The following SLC4A10 variants were observed in gnomAD, a reference collection of about 807,000 sequenced individuals.
The protein encoded by SLC4A10 is solute carrier family 4 member 10.
A neutral mutation model predicts 137.7 loss-of-function variants in SLC4A10; 42 were observed. That is an observed-to-expected ratio of 0.30 (90% CI 0.24 to 0.39). The LOEUF is 0.39. SLC4A10 is among the 10% of genes least tolerant of loss of function. The pLI is 1.00. For missense variants in SLC4A10, 925 were observed against 1,355.0 expected, an observed-to-expected ratio of 0.68 and a Z score of 4.98; for synonymous variants, 474 against 464.1, an observed-to-expected ratio of 1.02 and a Z score of -0.27.
At chr2:161,975,115 T>C (rs1158939063) in intron 24 of SLC4A10, among the ~76,000 whole-genome samples, 1 of 152,244 alleles carries the variant, frequency 6.6e-6, no homozygotes, top group African/African-American at 2.4e-5. Flanking sequence ...CTTTAGGGTC[T>C]GACTCTAAGA....
At chr2:161,884,794 A>G (rs751430567) in intron 10 of SLC4A10, among the ~76,000 whole-genome samples, 15 of 152,226 alleles carry the variant, frequency 9.9e-5, no homozygotes, top group African/African-American at 3.4e-4. Context: ...GAATGTTTAA[A>G]TATTTTTTAA....
chr2:161,815,864 T>C (rs575229528), intron 3 of SLC4A10, among the ~76,000 whole-genome samples: 1 of 152,266 alleles, frequency 6.6e-6, no homozygotes, highest in South Asian at 2.1e-4. Flanking sequence ...TTTTTGCCAC[T>C]ATTTTTGGAT....
rs2060526301 is a variant in SLC4A10 at position 161,863,094 on chromosome 2, T to C, written c.766+32T>C. The C allele has an allele frequency of 3.8e-6, 6 of 1,589,090 alleles. No homozygotes were observed. In the East Asian group the frequency reaches 1.3e-4, roughly 36 times the overall value. Reference sequence around the variant, plus strand: ...GTTTATTTATTGTGCTCTTTATGTCTACTATAGGTCTCTGACATATCAAAG... The same window carrying C: ...GTTTATTTATTGTGCTCTTTATGTCCACTATAGGTCTCTGACATATCAAAG... On this transcript the variant is annotated intron_variant, in intron 6 of 26. Coordinates refer to ENST00000446997, the MANE Select transcript of SLC4A10 (RefSeq NM_001178015.2).
intron 1 of SLC4A10, among the ~76,000 whole-genome samples, chr2:161,634,641 C>T (rs535435463): frequency 5.3e-5 from 8 of 152,046 alleles, no homozygotes; most frequent in South Asian, 4.1e-4. Flanking sequence ...TACAAGTATA[C>T]GTTGTATAAT....
chr2:161,648,287 A>G (rs2105552107), intron 1 of SLC4A10, among the ~76,000 whole-genome samples: 1 of 152,230 alleles, frequency 6.6e-6, no homozygotes, highest in East Asian at 1.9e-4. Context: ...TTCAAAATAG[A>G]TAATCTTATG....
At chr2:161,830,941 G>A (rs1278732232) in intron 3 of SLC4A10, among the ~76,000 whole-genome samples, 1 of 152,138 alleles carries the variant, frequency 6.6e-6, no homozygotes, top group Non-Finnish European at 1.5e-5. Context: ...CTTAGATGTG[G>A]ATATGTATGT....
chr2:161,645,354 C>G (rs1015287439), intron 1 of SLC4A10, among the ~76,000 whole-genome samples: 1 of 151,444 alleles, frequency 6.6e-6, no homozygotes, highest in Non-Finnish European at 1.5e-5. Flanking sequence ...ATAATATTTT[C>G]TCATAACTAA....
chr2:161,760,623 GC>G lies in SLC4A10; in HGVS notation c.49-10347del, dbSNP rs1453676285. On this transcript the variant is annotated intron_variant, in intron 1 of 26. Transcript: ENST00000446997. ...AAACTATCACTTTTCCCCCTTGTCA[GC>G]CCAGCAAAGATTCATTTATCTTTTA... is the stretch of plus-strand genomic sequence containing the variant. Among the ~76,000 whole-genome samples the G allele has an allele frequency of 4.6e-5, 7 of 152,046 alleles. No individual in the cohort carries two copies. In the East Asian group the frequency reaches 1.4e-3, roughly 29 times the overall value.
At chr2:161,825,216 C>T (rs970565434) in intron 3 of SLC4A10, among the ~76,000 whole-genome samples, 2 of 152,130 alleles carry the variant, frequency 1.3e-5, no homozygotes, top group Non-Finnish European at 2.9e-5. Flanking sequence ...TGTGGGAGAT[C>T]AGCACCTTTA....
intron 1 of SLC4A10, among the ~76,000 whole-genome samples, chr2:161,657,272 T>C (rs1470072153): frequency 6.6e-6 from 1 of 152,064 alleles, no homozygotes; most frequent in Non-Finnish European, 1.5e-5. Flanking sequence ...CTATTTTGCA[T>C]GGCTTTTGTG....
intron 1 of SLC4A10, among the ~76,000 whole-genome samples, chr2:161,671,196 C>T (rs2039672984): frequency 6.6e-6 from 1 of 152,100 alleles, no homozygotes; most frequent in Non-Finnish European, 1.5e-5. Context: ...TGTAAAAGGA[C>T]TTGAGAGGTT....
chr2:161,804,014 G>T (rs929029765), intron 2 of SLC4A10, among the ~76,000 whole-genome samples: 2 of 152,054 alleles, frequency 1.3e-5, no homozygotes, highest in Admixed American at 1.3e-4. Context: ...TGTGGAATTT[G>T]GCATTAACAT....
At chr2:161,753,405 C>A (rs1279671902) in intron 1 of SLC4A10, among the ~76,000 whole-genome samples, 2 of 152,150 alleles carry the variant, frequency 1.3e-5, no homozygotes, top group Non-Finnish European at 2.9e-5. Context: ...TAGCCTGACT[C>A]AATTTTTCTG....
Position 161,857,616 on chromosome 2 carries a change from C to G in SLC4A10, c.577+2486C>G, listed in dbSNP as rs531831161. Among the ~76,000 whole-genome samples, 21 of 152,140 alleles carry G rather than the reference C, an allele frequency of 1.4e-4. No individual in the cohort carries two copies. The South Asian group carries it at 4.1e-3, about 30-fold the overall frequency. On this transcript the variant is annotated intron_variant, in intron 5 of 26. Transcript: ENST00000446997. Reference sequence around the variant, plus strand: ...ATAAACTCATTAAAATATTTTCTCTCTATAGTTTGTAATTATTTTCTTATT... The same window carrying G: ...ATAAACTCATTAAAATATTTTCTCTGTATAGTTTGTAATTATTTTCTTATT...
chr2:161,894,084 G>T (rs952947376), intron 10 of SLC4A10, among the ~76,000 whole-genome samples: 3 of 151,954 alleles, frequency 2.0e-5, no homozygotes, highest in African/African-American at 7.3e-5. Context: ...AGGAGTATAT[G>T]CATAGGTTAT....
intron 1 of SLC4A10, among the ~76,000 whole-genome samples, chr2:161,700,570 A>G (rs2043021160): frequency 6.6e-6 from 1 of 152,140 alleles, no homozygotes; most frequent in South Asian, 2.1e-4. Context: ...CATTTATTGA[A>G]CTTATATTTG....
chr2:161,742,227 T>C (rs1370373601), intron 1 of SLC4A10, among the ~76,000 whole-genome samples: 1 of 152,202 alleles, frequency 6.6e-6, no homozygotes, highest in Non-Finnish European at 1.5e-5. Context: ...AGTCATCTGT[T>C]GATGGACACA....
At chr2:161,639,917 CA>C (rs1234721017) in intron 1 of SLC4A10, among the ~76,000 whole-genome samples, 6 of 152,088 alleles carry the variant, frequency 3.9e-5, no homozygotes, top group African/African-American at 1.4e-4. Flanking sequence ...AACATAAGTG[CA>C]GTAAAATTGC....
intron 1 of SLC4A10, chr2:161,709,869 A>C (rs2044093449): frequency 6.6e-6 from 1 of 151,634 alleles, no homozygotes; most frequent in African/African-American, 2.4e-5. Context: ...CTTCTGCCTC[A>C]ATGTTAGAGA....
Sources: gnomAD v4.1 joint callset for allele counts (sites outside exome capture counted in the v4.1 genomes callset) on GRCh38, gnomAD v4.1.1 for gene constraint, MANE v1.5 for transcripts, NCBI Gene and HGNC (gene_info 2026-07-23, HGNC 2026-07-21) for gene names.